MAPKAPK3: variants seen among roughly 807,000 people sequenced by gnomAD.
The protein encoded by MAPKAPK3 is MAP kinase-activated protein kinase 3.
MAPKAPK3 carries 35 observed loss-of-function variants against 49.2 expected under a neutral mutation model. The ratio of observed to expected loss-of-function variants is 0.71; its 90% CI spans 0.54 to 0.94. The LOEUF (loss-of-function observed/expected upper bound fraction) is 0.94. Among genes scored for constraint, MAPKAPK3 ranks in the 40% least tolerant of loss-of-function variants. MAPKAPK3 has a pLI of 0.00. For synonymous variants in MAPKAPK3, 178 were observed against 188.7 expected (o/e 0.94, Z 0.46); for missense variants, 398 against 493.1 (o/e 0.81, Z 1.83).
At chr3:50,636,627 A>G (rs548248731) in intron 2 of MAPKAPK3, among the ~76,000 whole-genome samples, 1 of 152,348 alleles carries the variant, frequency 6.6e-6, no homozygotes, top group South Asian at 2.1e-4. Flanking sequence ...TATGTCAATT[A>G]TACCTCAATA....
At position 50,648,223 on chromosome 3, in the gene MAPKAPK3, T is replaced by C. The variant is rs989140753; in HGVS notation, c.*177T>C. 1.5e-6 allele frequency: 1 copy of C among 661,678 alleles called. No individual in the cohort carries two copies. 41.0% of individuals were successfully genotyped at this position (661,678 alleles called of 1,614,324 possible). ...ACCCTGACCCTAAACCTCCTTCAGA[T>C]CTCTGGCCCAGGCTCAAGCCCTAGA... On this transcript the variant is annotated 3_prime_UTR_variant, in exon 11 of 11. Transcript: ENST00000621469.
At chr3:50,646,403 C>A in intron 8 of MAPKAPK3, 139 bp downstream of exon 8, 2 of 1,209,116 alleles carry the variant, frequency 1.7e-6, no homozygotes, top group Non-Finnish European at 2.3e-6. Context: ...CTAGGCAAGT[C>A]CCCTAACCTT....
At chr3:50,633,493 G>A (rs1263048174) in intron 2 of MAPKAPK3, among the ~76,000 whole-genome samples, 1 of 152,118 alleles carries the variant, frequency 6.6e-6, no homozygotes, top group East Asian at 1.9e-4. Context: ...ACGCACTGAT[G>A]TACACATTTA....
intron 2 of MAPKAPK3, among the ~76,000 whole-genome samples, chr3:50,624,070 A>G (rs2032674803): frequency 6.6e-6 from 1 of 152,256 alleles, no homozygotes; most frequent in Admixed American, 6.5e-5. Context: ...TGAGTCTCAG[A>G]CAAGTGCAGC....
chr3:50,638,507 C>A (rs2033094399), intron 2 of MAPKAPK3, among the ~76,000 whole-genome samples: 2 of 152,176 alleles, frequency 1.3e-5, no homozygotes, highest in African/African-American at 2.4e-5. Flanking sequence ...CTGCCCACAG[C>A]AGCCTTGACG....
At chr3:50,611,569 A>C, upstream of MAPKAPK3, 1 of 1,525,642 alleles carries the variant, frequency 6.6e-7, no homozygotes, top group Non-Finnish European at 8.8e-7. Flanking sequence ...GCTAGCACGA[A>C]GCCCCTGTTC....
intron 5 of MAPKAPK3, among the ~76,000 whole-genome samples, chr3:50,643,753 C>T (rs1013013072): frequency 6.6e-6 from 1 of 152,118 alleles, no homozygotes; most frequent in African/African-American, 2.4e-5. Flanking sequence ...TAAACCACCA[C>T]CCCATCCTTC....
At chr3:50,623,182 G>C (rs553651425) in intron 2 of MAPKAPK3, among the ~76,000 whole-genome samples, 3 of 152,160 alleles carry the variant, frequency 2.0e-5, no homozygotes, top group Non-Finnish European at 4.4e-5. Flanking sequence ...CTATGCAGCC[G>C]GTACAATAGA....
chr3:50,642,405 C>A, intron 5 of MAPKAPK3, 73 bp downstream of exon 5: 1 of 1,113,260 alleles, frequency 9.0e-7, no homozygotes, highest in Admixed American at 1.7e-5. Flanking sequence ...CTGATGGCAT[C>A]CAGGACCCAC....
rs1299998863 is a variant in MAPKAPK3, at chr3:50,617,353, G to C, written c.-53+112G>C. ...CCCGGGCGGTGCTCGCTTGTACCCC[G>C]CCGCGCGACCACCGCCCCTTGCTGC... On this transcript the variant is annotated intron_variant, in intron 1 of 10. Coordinates refer to ENST00000621469, the MANE Select transcript of MAPKAPK3 (RefSeq NM_001243925.2). 24 of 482,840 alleles carry C rather than the reference G, an allele frequency of 5.0e-5. No individual in the cohort carries two copies. The South Asian group carries it at 8.4e-4, about 17-fold the overall frequency. 29.9% of individuals were successfully genotyped at this position (482,840 alleles called of 1,614,324 possible). A position where few individuals can be genotyped will look rare whatever the true frequency, so the allele number is the denominator to read the frequency against.
At chr3:50,637,613 C>CA in intron 2 of MAPKAPK3, among the ~76,000 whole-genome samples, 1 of 137,988 alleles carries the variant, frequency 7.2e-6, no homozygotes, top group Non-Finnish European at 1.5e-5. Context: ...GCCTGGGTGA[C>CA]AGAGCAAGAC....
At chr3:50,631,649 G>T (rs2032913702) in intron 2 of MAPKAPK3, among the ~76,000 whole-genome samples, 1 of 152,198 alleles carries the variant, frequency 6.6e-6, no homozygotes, top group Admixed American at 6.5e-5. Flanking sequence ...TGATCCTCAT[G>T]GGAAATAATC....
intron 2 of MAPKAPK3, among the ~76,000 whole-genome samples, chr3:50,629,457 C>T (rs778300877): frequency 1.4e-4 from 21 of 152,214 alleles, no homozygotes; most frequent in Admixed American, 9.8e-4. Flanking sequence ...GCACTGGACA[C>T]CAAGTTCATC....
intron 2 of MAPKAPK3, among the ~76,000 whole-genome samples, chr3:50,633,834 G>T (rs2032971611): frequency 6.6e-6 from 1 of 152,248 alleles, no homozygotes; most frequent in South Asian, 2.1e-4. Flanking sequence ...TTTCCAAACA[G>T]GCAAATGGTG....
upstream of MAPKAPK3, among the ~76,000 whole-genome samples, chr3:50,613,127 C>A (rs1362871874): frequency 6.6e-6 from 1 of 152,064 alleles, no homozygotes; most frequent in African/African-American, 2.4e-5. Flanking sequence ...CCACTCCCCA[C>A]CCCCATCCCC....
At chr3:50,625,025 G>T (rs1208295982) in intron 2 of MAPKAPK3, among the ~76,000 whole-genome samples, 2 of 152,212 alleles carry the variant, frequency 1.3e-5, no homozygotes, top group African/African-American at 4.8e-5. Context: ...GGTTGAGAGA[G>T]GAACAGTGCT....
chr3:50,640,267 C>A, intron 2 of MAPKAPK3, 99 bp from the exon 3 acceptor site: 4 of 1,200,820 alleles, frequency 3.3e-6, no homozygotes, highest in Non-Finnish European at 4.7e-6. Context: ...GCTGTGTGAC[C>A]TGGGGCAGGT....
intron 3 of MAPKAPK3, 148 bp from the exon 4 acceptor site, chr3:50,641,559 A>G: frequency 1.4e-6 from 1 of 706,026 alleles, no homozygotes; most frequent in Non-Finnish European, 2.6e-6. Flanking sequence ...ACCAGGTTCT[A>G]CAAGGGACAG....
At chr3:50,640,308 T>C in intron 2 of MAPKAPK3, 58 bp from the exon 3 acceptor site, 2 of 1,562,230 alleles carry the variant, frequency 1.3e-6, no homozygotes, top group Non-Finnish European at 1.7e-6. Context: ...TGTTTTTGTC[T>C]GCAAAATGAT....
Sources: gnomAD v4.1 joint callset for allele counts (sites outside exome capture counted in the v4.1 genomes callset) on GRCh38, gnomAD v4.1.1 for gene constraint, MANE v1.5 for transcripts, NCBI Gene and HGNC (gene_info 2026-07-23, HGNC 2026-07-21) for gene names.